CA5A: variants seen among roughly 807,000 people sequenced by gnomAD.
CA5A encodes carbonic anhydrase 5A, mitochondrial.
CA5A carries 28 observed loss-of-function variants against 37.1 expected under a neutral mutation model. The ratio of observed to expected loss-of-function variants is 0.75; its 90% CI spans 0.56 to 1.03. The LOEUF (loss-of-function observed/expected upper bound fraction) is 1.03, where lower values mean the gene tolerates loss of function less well. Among genes scored for constraint, CA5A ranks in the 50% least tolerant of loss-of-function variants. The probability of loss-of-function intolerance (pLI) is 0.00; values close to 1 mark genes in which losing one functional copy is unlikely to be tolerated. For synonymous variants in CA5A, 171 were observed against 158.4 expected, an observed-to-expected ratio of 1.08 and a Z score of -0.60; for missense variants, 444 against 399.9, an observed-to-expected ratio of 1.11 and a Z score of -0.94.
intron 5 of CA5A, chr16:87,893,554 C>A: frequency 1.6e-6 from 1 of 606,296 alleles, no homozygotes; most frequent in Admixed American, 1.9e-5. Context: ...TGGCAGGCCT[C>A]GGCCTAAAGG....
intron 2 of CA5A, among the ~76,000 whole-genome samples, chr16:87,910,173 C>A (rs954722172): frequency 6.6e-6 from 1 of 152,362 alleles, no homozygotes; most frequent in African/African-American, 2.4e-5. Context: ...AAGGCTCTCA[C>A]TGGCCAGGTT....
intron 2 of CA5A, among the ~76,000 whole-genome samples, chr16:87,918,379 C>T (rs568112663): frequency 2.6e-5 from 4 of 152,060 alleles, no homozygotes; most frequent in African/African-American, 2.4e-5. Flanking sequence ...TCCTCTCCCC[C>T]TTCCCTCCTC....
At chr16:87,932,728 C>T (rs2056424175) in intron 1 of CA5A, among the ~76,000 whole-genome samples, 1 of 151,940 alleles carries the variant, frequency 6.6e-6, no homozygotes, top group Non-Finnish European at 1.5e-5. Flanking sequence ...CCAGTATTTG[C>T]CCCTAATTCA....
chr16:87,912,909 A>G (rs1386014775), intron 2 of CA5A, among the ~76,000 whole-genome samples: 1 of 152,156 alleles, frequency 6.6e-6, no homozygotes, highest in East Asian at 1.9e-4. Context: ...GGGCAGCAGG[A>G]GATGGGATTA....
chr16:87,909,277 CT>C (rs895189158), intron 2 of CA5A, among the ~76,000 whole-genome samples: 31 of 152,290 alleles, frequency 2.0e-4, no homozygotes, highest in Admixed American at 2.0e-3. Flanking sequence ...CCTCCTCAGG[CT>C]GGCTCGGGGC....
At chr16:87,904,140 G>C (rs1345158643) in intron 3 of CA5A, among the ~76,000 whole-genome samples, 8 of 152,092 alleles carry the variant, frequency 5.3e-5, no homozygotes, top group East Asian at 1.9e-4. Context: ...TCAGGAGTTC[G>C]AGACCAGCCT....
At chr16:87,901,594 T>TTTC (rs1567519865) in intron 5 of CA5A, among the ~76,000 whole-genome samples, 1 of 144,572 alleles carries the variant, frequency 6.9e-6, no homozygotes. Flanking sequence ...TTTCTTTTCT[T>TTTC]TTTTTTTTTT....
intron 1 of CA5A, 96 bp downstream of exon 1, chr16:87,936,213 C>A: frequency 1.4e-6 from 1 of 716,562 alleles, no homozygotes; most frequent in Non-Finnish European, 2.4e-6. Flanking sequence ...CTGAACCCAT[C>A]TGGCTCGGGA....
At chr16:87,906,131 G>A (rs2055957309) in intron 2 of CA5A, among the ~76,000 whole-genome samples, 1 of 152,356 alleles carries the variant, frequency 6.6e-6, no homozygotes, top group African/African-American at 2.4e-5. Context: ...AGCACAGCGT[G>A]CTCCTGGGAT....
chr16:87,909,508 G>A (rs1181795617), intron 2 of CA5A, among the ~76,000 whole-genome samples: 2 of 152,214 alleles, frequency 1.3e-5, no homozygotes, highest in Admixed American at 6.5e-5. Context: ...TGCAGGGGCC[G>A]ATGGATCACT....
downstream of CA5A, chr16:87,884,306 G>GT (rs1567510806): frequency 6.7e-6 from 1 of 148,872 alleles, no homozygotes; most frequent in Non-Finnish European, 1.5e-5. Context: ...AGTGGCTCGC[G>GT]TCTGTAATCC....
chr16:87,907,336 G>A (rs1336772270), intron 2 of CA5A, among the ~76,000 whole-genome samples: 1 of 152,192 alleles, frequency 6.6e-6, no homozygotes, highest in Admixed American at 6.5e-5. Flanking sequence ...CTCGGCCTGT[G>A]TCTGTGGGGG....
Position 87,893,082 on chromosome 16 carries a change from T to G in CA5A, c.619-1128A>C. On this transcript the variant is annotated intron_variant, in intron 5 of 6. Coordinates refer to ENST00000649794, the MANE Select transcript of CA5A (RefSeq NM_001739.2). ...CATGCAGTCTCTCAAGCCCCGAGGCTGCCTGAAGGAACAGTTTGCCTAGAG... is the reference window on the plus strand; with the variant it reads ...CATGCAGTCTCTCAAGCCCCGAGGCGGCCTGAAGGAACAGTTTGCCTAGAG... 3 of 835,088 alleles carry G rather than the reference T, an allele frequency of 3.6e-6. No homozygotes were observed. In the East Asian group the frequency reaches 8.1e-5, roughly 22 times the overall value. 51.7% of individuals were successfully genotyped at this position (835,088 alleles called of 1,614,324 possible).
chr16:87,926,282 T>G (rs145851118), intron 2 of CA5A, among the ~76,000 whole-genome samples: 150 of 152,268 alleles, frequency 9.9e-4, no homozygotes, highest in African/African-American at 3.3e-3. Flanking sequence ...AAGCCTGCAG[T>G]GGTCTCATTT....
chr16:87,897,065 T>G (rs558522128), intron 5 of CA5A, among the ~76,000 whole-genome samples: 1 of 152,254 alleles, frequency 6.6e-6, no homozygotes, highest in Admixed American at 6.5e-5. Context: ...ACAGGCAGTG[T>G]GGTGGCGGTA....
chr16:87,931,818 A>C (rs2144099032), intron 1 of CA5A, among the ~76,000 whole-genome samples: 1 of 152,336 alleles, frequency 6.6e-6, no homozygotes, highest in South Asian at 2.1e-4. Context: ...CTCACGCGAT[A>C]GACAACTATG....
At chr16:87,930,865 C>G (rs1225014837) in intron 1 of CA5A, among the ~76,000 whole-genome samples, 5 of 151,884 alleles carry the variant, frequency 3.3e-5, no homozygotes, top group African/African-American at 1.2e-4. Context: ...CTCAGCCTCC[C>G]AAGTAGCTGG....
downstream of CA5A, chr16:87,884,403 C>T (rs896390852): frequency 6.7e-6 from 1 of 149,676 alleles, no homozygotes; most frequent in African/African-American, 2.5e-5. Flanking sequence ...CCCCGTCTCT[C>T]GTAAAAATAC....
At chr16:87,894,509 A>G (rs1338630880) in intron 5 of CA5A, among the ~76,000 whole-genome samples, 2 of 151,962 alleles carry the variant, frequency 1.3e-5, no homozygotes, top group Non-Finnish European at 2.9e-5. Flanking sequence ...GGGAGTGTCC[A>G]CACTGGCAGA....
Sources: allele counts gnomAD v4.1 joint callset (sites outside exome capture counted in the v4.1 genomes callset), GRCh38; gene constraint gnomAD v4.1.1; transcripts MANE v1.5; gene names NCBI Gene and HGNC (gene_info 2026-07-23, HGNC 2026-07-21).